Variants in MYLK observed in about 807,000 individuals in gnomAD.
MYLK encodes the protein myosin light chain kinase, smooth muscle.
MYLK carries 106 observed loss-of-function variants against 203.4 expected under a neutral mutation model. The observed-to-expected ratio is 0.52, with a 90% CI of 0.45 to 0.61. The LOEUF is 0.61. Among genes scored for constraint, MYLK ranks in the 20% least tolerant of loss-of-function variants. The pLI is 0.00. For missense variants in MYLK, 2,072 were observed against 2,442.3 expected, an observed-to-expected ratio of 0.85 and a Z score of 3.20; for synonymous variants, 867 against 959.5, an observed-to-expected ratio of 0.90 and a Z score of 1.78.
chr3:123,677,380 C>T (rs1388993080), intron 20 of MYLK, among the ~76,000 whole-genome samples: 2 of 152,198 alleles, frequency 1.3e-5, no homozygotes, highest in African/African-American at 4.8e-5. Context: ...CCAAGACCTT[C>T]GTCTCCTGCT....
At chr3:123,883,777 C>A (rs1363849916) in intron 1 of MYLK, among the ~76,000 whole-genome samples, 1 of 152,172 alleles carries the variant, frequency 6.6e-6, no homozygotes, top group Non-Finnish European at 1.5e-5. Flanking sequence ...CCAGGTCTGG[C>A]ACTCGCGGGC....
At chr3:123,720,581 TGAA>T (rs1256211455) in intron 13 of MYLK, among the ~76,000 whole-genome samples, 1 of 152,218 alleles carries the variant, frequency 6.6e-6, no homozygotes, top group Non-Finnish European at 1.5e-5. Context: ...AGGTTTCCTC[TGAA>T]ATCTCATTAT....
intron 2 of MYLK, among the ~76,000 whole-genome samples, chr3:123,872,079 A>G (rs942557236): frequency 2.6e-5 from 4 of 152,022 alleles, no homozygotes; most frequent in African/African-American, 7.2e-5. Context: ...GCCAAATCCA[A>G]CCTGCAGCCT....
At chr3:123,688,477 T>C (rs1458713644) in intron 19 of MYLK, among the ~76,000 whole-genome samples, 1 of 152,166 alleles carries the variant, frequency 6.6e-6, no homozygotes, top group Admixed American at 6.5e-5. Flanking sequence ...TTCCTGTCCC[T>C]ATTGTGGCAA....
chr3:123,853,652 C>T (rs984126081), intron 2 of MYLK, among the ~76,000 whole-genome samples: 2 of 151,934 alleles, frequency 1.3e-5, no homozygotes, highest in Non-Finnish European at 2.9e-5. Context: ...CAAGAGCTGC[C>T]GTACCCAAGG....
At chr3:123,674,173 C>T (rs554866102) in intron 20 of MYLK, among the ~76,000 whole-genome samples, 3 of 152,204 alleles carry the variant, frequency 2.0e-5, no homozygotes, top group Admixed American at 1.3e-4. Flanking sequence ...CCCAAACCTG[C>T]TCCCTGTCCC....
Position 123,629,422 on chromosome 3 carries a change from C to G in MYLK, c.5114+52G>C. ...AGGCAAAGGAATCCCCCTTTGCTTC[C>G]CAACACAGGGCAGGGAGTAGGGAAG... is the stretch of plus-strand genomic sequence containing the variant. On this transcript the variant is annotated intron_variant, in intron 30 of 33. Coordinates refer to ENST00000360304, the MANE Select transcript of MYLK (RefSeq NM_053025.4). The surrounding 1 kb of genome is among the most constrained non-coding windows in gnomAD (Gnocchi z 4.4). The G allele has an allele frequency of 6.2e-7, 1 of 1,611,302 alleles. No individual in the cohort carries two copies. The highest frequency in any genetic ancestry group is 8.5e-7 in the Non-Finnish European group (1 of 1,178,170).
chr3:123,760,600 C>T (rs1190696600), intron 4 of MYLK, among the ~76,000 whole-genome samples: 2 of 152,048 alleles, frequency 1.3e-5, no homozygotes, highest in Non-Finnish European at 1.5e-5. Flanking sequence ...ATGAGGTACC[C>T]TAAACTCCAT....
At chr3:123,869,928 T>G (rs1348457948) in intron 2 of MYLK, among the ~76,000 whole-genome samples, 1 of 140,328 alleles carries the variant, frequency 7.1e-6, no homozygotes, top group Non-Finnish European at 1.5e-5. Flanking sequence ...GAAATCTACC[T>G]GTGCAAAATC....
At chr3:123,744,438 A>T (rs1177030749) in intron 5 of MYLK, among the ~76,000 whole-genome samples, 2 of 152,228 alleles carry the variant, frequency 1.3e-5, no homozygotes, top group East Asian at 3.8e-4. Context: ...AAATAAAAAG[A>T]TGTATTATAT....
chr3:123,663,957 TG>T (rs2059651025), intron 23 of MYLK, 147 bp downstream of exon 23: 2 of 1,217,216 alleles, frequency 1.6e-6, no homozygotes, highest in East Asian at 4.7e-5. Context: ...TGGGTTGCCG[TG>T]ATCTTCTTTC....
chr3:123,866,475 C>T (rs2148700842), intron 2 of MYLK, among the ~76,000 whole-genome samples: 2 of 152,218 alleles, frequency 1.3e-5, no homozygotes, highest in South Asian at 2.1e-4. Flanking sequence ...AAGGAGCTTA[C>T]TGTTTAGTGG....
Position 123,760,188 on chromosome 3 carries a change from G to T in MYLK, c.166-7650C>A, listed in dbSNP as rs562630794. Reference sequence around the variant, plus strand: ...AGTATGTATGTATGTATGTATGTATGTATTTATGAGACAGAGTCTTGCTCT... The same window carrying T: ...AGTATGTATGTATGTATGTATGTATTTATTTATGAGACAGAGTCTTGCTCT... On this transcript the variant is annotated intron_variant, in intron 4 of 33. Transcript: ENST00000360304. 6.6e-4 allele frequency among the ~76,000 whole-genome samples: 100 copies of T among 152,196 alleles called. 1 individual carries two copies. The South Asian group carries it at 8.9e-3, about 14-fold the overall frequency.
intron 13 of MYLK, among the ~76,000 whole-genome samples, chr3:123,719,155 C>T (rs1157108404): frequency 5.9e-5 from 9 of 152,180 alleles, no homozygotes; most frequent in African/African-American, 1.9e-4. Flanking sequence ...CGGCAAAAGG[C>T]GAGAGGTGAG....
intron 11 of MYLK, among the ~76,000 whole-genome samples, chr3:123,729,103 A>T (rs1366542352): frequency 6.6e-6 from 1 of 152,174 alleles, no homozygotes; most frequent in Non-Finnish European, 1.5e-5. Context: ...GAGCCTGCCC[A>T]GGAAAGATGT....
intron 3 of MYLK, among the ~76,000 whole-genome samples, chr3:123,802,769 G>A (rs1164205906): frequency 6.6e-6 from 1 of 152,156 alleles, no homozygotes; most frequent in Non-Finnish European, 1.5e-5. Context: ...CAAGTCATAT[G>A]CAAAAGTAAT....
chr3:123,871,243 G>T (rs2032764376), intron 2 of MYLK, among the ~76,000 whole-genome samples: 1 of 152,108 alleles, frequency 6.6e-6, no homozygotes, highest in Non-Finnish European at 1.5e-5. Flanking sequence ...AAGAAGAAAG[G>T]TCTCAAATCA....
At chr3:123,793,371 C>T (rs557647933) in intron 4 of MYLK, among the ~76,000 whole-genome samples, 2 of 152,270 alleles carry the variant, frequency 1.3e-5, no homozygotes, top group South Asian at 4.1e-4. Flanking sequence ...TTCTTCCTGC[C>T]ACCGGACCGC....
intron 20 of MYLK, among the ~76,000 whole-genome samples, chr3:123,673,851 T>C (rs2059994385): frequency 1.3e-5 from 2 of 152,192 alleles, no homozygotes; most frequent in South Asian, 4.1e-4. Context: ...CTGCTGGCCA[T>C]GGGACAGGCA....
Sources: gnomAD v4.1 joint callset for allele counts (sites outside exome capture counted in the v4.1 genomes callset) on GRCh38, gnomAD v4.1.1 for gene constraint, Gnocchi (gnomAD v3.1) non-coding constraint, MANE v1.5 for transcripts, NCBI Gene and HGNC (gene_info 2026-07-23, HGNC 2026-07-21) for gene names.